RBM19: variants seen among roughly 807,000 people sequenced by gnomAD.
RBM19 encodes RNA binding motif protein 19.
In RBM19, 94 loss-of-function variants were observed where a neutral mutation model predicts 116.8. The ratio of observed to expected loss-of-function variants is 0.80; its 90% confidence interval spans 0.68 to 0.95. RBM19 has a LOEUF of 0.95. Ranked by LOEUF, RBM19 falls within the 40% of genes least tolerant of loss-of-function variation. RBM19 has a pLI of 0.00. For synonymous variants in RBM19, 475 were observed against 494.1 expected (o/e 0.96, Z 0.51); for missense variants, 1,161 against 1,220.7 (o/e 0.95, Z 0.73).
At chr12:113,820,585 CG>C (rs1874349480), downstream of RBM19, among the ~76,000 whole-genome samples, 1 of 152,126 alleles carries the variant, frequency 6.6e-6, no homozygotes, top group African/African-American at 2.4e-5. Context: ...ATCCAGCTCA[CG>C]GATCAGTCAG....
chr12:113,943,805 A>T (rs2135913372), intron 13 of RBM19, among the ~76,000 whole-genome samples: 1 of 152,284 alleles, frequency 6.6e-6, no homozygotes, highest in South Asian at 2.1e-4. Context: ...CCTGGGCAAC[A>T]AGAGGAAAAC....
intron 14 of RBM19, among the ~76,000 whole-genome samples, chr12:113,940,689 C>G (rs1233522946): frequency 1.3e-5 from 2 of 152,222 alleles, no homozygotes; most frequent in Non-Finnish European, 2.9e-5. Context: ...CGTACTGCAG[C>G]AGCACACTCT....
intron 21 of RBM19, among the ~76,000 whole-genome samples, chr12:113,885,341 C>A (rs2135796118): frequency 6.6e-6 from 1 of 152,160 alleles, no homozygotes; most frequent in East Asian, 1.9e-4. Context: ...TTCTACAAGG[C>A]AACTGGCTTG....
intron 23 of RBM19, among the ~76,000 whole-genome samples, chr12:113,827,021 C>T (rs933039072): frequency 3.3e-5 from 5 of 152,170 alleles, no homozygotes; most frequent in East Asian, 3.9e-4. Flanking sequence ...TGTCAGGCCC[C>T]GAGTTCCCAC....
Position 113,962,270 on chromosome 12 carries a change from GCTTCTGTGC to G in RBM19, c.172_180del (p.Ala58_Lys60del). On this transcript the variant is annotated inframe_deletion, in exon 2 of 24. Transcript: ENST00000261741. ...GTGTCGATGAAGCTCTTGTTGAAAT[GCTTCTGTGC>G]CTTCTGGGCCTCTTCCTCGGACTTG... The G allele has an allele frequency of 6.2e-7, 1 of 1,614,268 alleles. No homozygotes were observed. Among genetic ancestry groups the G allele is most frequent in the Non-Finnish European group, 8.5e-7 (1 of 1,180,052 alleles).
chr12:113,906,142 C>T (rs1400326640), intron 21 of RBM19, among the ~76,000 whole-genome samples: 1 of 152,246 alleles, frequency 6.6e-6, no homozygotes, highest in African/African-American at 2.4e-5. Context: ...TACAGGGACA[C>T]ATGCATGTGG....
chr12:113,817,106 G>A (rs116218005), downstream of RBM19: 81 of 152,328 alleles, frequency 5.3e-4, no homozygotes, highest in African/African-American at 1.9e-3. Context: ...ACAGACGGGC[G>A]CTGCGAGAGA....
chr12:113,830,589 GTGGGC>G (rs1875323147), intron 23 of RBM19, among the ~76,000 whole-genome samples: 3 of 73,076 alleles, frequency 4.1e-5, no homozygotes, highest in Non-Finnish European at 7.7e-5. Flanking sequence ...GGGGGGGGGG[GTGGGC>G]TATGCCTGGG....
intron 21 of RBM19, among the ~76,000 whole-genome samples, chr12:113,874,412 C>A (rs574963090): frequency 6.6e-6 from 1 of 152,206 alleles, no homozygotes; most frequent in Non-Finnish European, 1.5e-5. Context: ...CCTGCCCTGG[C>A]CATGCCAAAT....
In RBM19 at chr12:113,948,964, TTGG is replaced by T; in HGVS notation, c.1142_1144del (p.Thr381del). 3.7e-6 allele frequency: 6 copies of T among 1,614,188 alleles called. No homozygotes were observed. The highest frequency in any genetic ancestry group is 5.1e-6 in the Non-Finnish European group (6 of 1,180,028). On this transcript the variant is annotated inframe_deletion, in exon 10 of 24. Transcript: ENST00000261741. ...CCCGAGTATCCGGCCTTGCCAGGAT[TTGG>T]TGGTATTCTTTGGTGCACCCTTGGT... is the stretch of plus-strand genomic sequence containing the variant.
rs77137522 is a variant in RBM19 at position 113,831,853 on chromosome 12, G to A, written c.2786-8532C>T. ...GGGGAGTGGAAGGAAGTAGGAGGGG[G>A]TGACTGGGCGATACCTGCTCCAGCT... On this transcript the variant is annotated intron_variant, in intron 23 of 23. Transcript: ENST00000261741. Among the ~76,000 whole-genome samples the A allele has an allele frequency of 1.9e-3, 283 of 152,300 alleles. 6 individuals are homozygous for A. In the East Asian group the frequency reaches 0.049, roughly 26 times the overall value.
intron 16 of RBM19, among the ~76,000 whole-genome samples, chr12:113,932,899 C>T (rs865891532): frequency 1.4e-4 from 21 of 152,218 alleles, no homozygotes; most frequent in South Asian, 8.3e-4. Flanking sequence ...AACTGTGCTT[C>T]CATCTGTAGT....
chr12:113,911,080 A>ACTTC (rs1262536299), intron 21 of RBM19, among the ~76,000 whole-genome samples: 1 of 151,996 alleles, frequency 6.6e-6, no homozygotes, highest in African/African-American at 2.4e-5. Context: ...CCCAGTCTCC[A>ACTTC]CTTCCTTCCT....
At chr12:113,879,803 C>T (rs1243881661) in intron 21 of RBM19, among the ~76,000 whole-genome samples, 2 of 152,060 alleles carry the variant, frequency 1.3e-5, no homozygotes, top group African/African-American at 2.4e-5. Flanking sequence ...ACAAATAGCA[C>T]CCTCCTCCAC....
intron 8 of RBM19, among the ~76,000 whole-genome samples, 182 bp from the exon 9 acceptor site, chr12:113,950,336 T>C (rs61085351): frequency 0.16 from 24,920 of 152,040 alleles, 2,782 homozygotes; most frequent in African/African-American, 0.32. Context: ...CAAATTTCCC[T>C]CTGCAGGGAG....
intron 23 of RBM19, among the ~76,000 whole-genome samples, chr12:113,824,893 G>A (rs1874726962): frequency 6.6e-6 from 1 of 151,894 alleles, no homozygotes; most frequent in Non-Finnish European, 1.5e-5. Flanking sequence ...AAACATGTGC[G>A]TCAGATCCAC....
chr12:113,876,256 A>C (rs931109182), intron 21 of RBM19, among the ~76,000 whole-genome samples: 2 of 152,152 alleles, frequency 1.3e-5, no homozygotes, highest in Non-Finnish European at 2.9e-5. Context: ...AGTGGCTGCC[A>C]CCCACACTGG....
At chr12:113,878,275 G>A (rs736640) in intron 21 of RBM19, among the ~76,000 whole-genome samples, 10,057 of 152,096 alleles carry the variant, frequency 0.066, 652 homozygotes, top group East Asian at 0.34. Flanking sequence ...CTAAACACCC[G>A]GTGTCTTGAC....
At chr12:113,934,890 C>G (rs974278668) in intron 16 of RBM19, among the ~76,000 whole-genome samples, 1 of 152,104 alleles carries the variant, frequency 6.6e-6, no homozygotes, top group Non-Finnish European at 1.5e-5. Flanking sequence ...TTCGAAGGAA[C>G]AGAGAGGCAG....
Sources: allele counts gnomAD v4.1 joint callset (sites outside exome capture counted in the v4.1 genomes callset), GRCh38; gene constraint gnomAD v4.1.1; transcripts MANE v1.5; gene names NCBI Gene and HGNC (gene_info 2026-07-23, HGNC 2026-07-21).